ADARB2: variants seen among roughly 807,000 people sequenced by gnomAD.
ADARB2 encodes adenosine deaminase RNA specific B2 (inactive).
In ADARB2, 25 loss-of-function variants were observed where a neutral mutation model predicts 62.2. That is an observed-to-expected ratio of 0.40 (90% CI 0.29 to 0.56). The LOEUF (loss-of-function observed/expected upper bound fraction) is 0.56. Ranked by LOEUF, ADARB2 falls within the 20% of genes least tolerant of loss-of-function variation. The pLI, the probability that ADARB2 is intolerant of heterozygous loss-of-function variation, is 0.43. For synonymous variants in ADARB2, 572 were observed against 500.8 expected, an observed-to-expected ratio of 1.14 and a Z score of -1.90; for missense variants, 1,071 against 1,077.4, an observed-to-expected ratio of 0.99 and a Z score of 0.08.
chr10:1,403,200 C>G (rs1238614281), intron 1 of ADARB2, among the ~76,000 whole-genome samples: 4 of 152,248 alleles, frequency 2.6e-5, no homozygotes. Context: ...CGCTGCTCAA[C>G]TTTTCAGTTC....
chr10:1,724,703 T>C (rs555124625), intron 1 of ADARB2, among the ~76,000 whole-genome samples: 1 of 152,296 alleles, frequency 6.6e-6, no homozygotes, highest in African/African-American at 2.4e-5. Flanking sequence ...GAGGAAAGAA[T>C]AAATTGGTCT....
At chr10:1,437,745 A>T (rs186879751) in intron 1 of ADARB2, among the ~76,000 whole-genome samples, 53 of 151,952 alleles carry the variant, frequency 3.5e-4, no homozygotes, top group African/African-American at 1.3e-3. Context: ...TGGGGAAGGA[A>T]GCCAGCATTT....
rs1475077566 is a variant in ADARB2 at position 1,398,061 on chromosome 10, G to A, written c.101-18901C>T. Among the ~76,000 whole-genome samples, 1 of 139,070 alleles carries A rather than the reference G, an allele frequency of 7.2e-6. No homozygotes were observed. Among genetic ancestry groups the A allele is most frequent in the Non-Finnish European group, 1.5e-5 (1 of 64,902 alleles). The allele number at this position is 139,070 out of a possible 152,430, so 91.2% of individuals were successfully genotyped here. ...GGTCACCGTCCTCCTCTCCCCTCCC[G>A]AGTGCAGGCTTCCTGGGTCACCGCC... On this transcript the variant is annotated intron_variant, in intron 1 of 9. Coordinates refer to ENST00000381312, the MANE Select transcript of ADARB2 (RefSeq NM_018702.4). This position sits in a 1 kb window ranked among gnomAD's most constrained non-coding sequence, Gnocchi z 4.1.
intron 1 of ADARB2, among the ~76,000 whole-genome samples, chr10:1,693,812 A>G (rs1034596918): frequency 6.6e-6 from 1 of 152,244 alleles, no homozygotes; most frequent in African/African-American, 2.4e-5. Context: ...TTGAGGAAAC[A>G]TAAGAAAAAT....
intron 3 of ADARB2, among the ~76,000 whole-genome samples, chr10:1,278,544 G>T (rs556900265): frequency 6.6e-6 from 1 of 150,916 alleles, no homozygotes; most frequent in African/African-American, 2.4e-5. Context: ...CTGTTAATTC[G>T]TTTAGGATGA....
chr10:1,301,521 C>T (rs1831572759), intron 3 of ADARB2, among the ~76,000 whole-genome samples: 2 of 151,624 alleles, frequency 1.3e-5, no homozygotes, highest in African/African-American at 4.8e-5. Flanking sequence ...GAAAATCAAC[C>T]TTAAACAGAA....
intron 1 of ADARB2, among the ~76,000 whole-genome samples, chr10:1,673,314 A>ATGTGTGTGTGTG (rs66687699): frequency 0.043 from 6,448 of 149,634 alleles, 152 homozygotes; most frequent in Middle Eastern, 0.086. Context: ...ATTTCATTTT[A>ATGTGTGTGTGTG]TGTGTGTGTG....
At chr10:1,210,220 G>A (rs2279780) in intron 7 of ADARB2, among the ~76,000 whole-genome samples, 21,921 of 152,094 alleles carry the variant, frequency 0.14, 1,800 homozygotes, top group East Asian at 0.28. Context: ...TTTGTCTGGC[G>A]GACACACTTT....
chr10:1,677,873 C>T (rs1030853745), intron 1 of ADARB2, among the ~76,000 whole-genome samples: 2 of 152,198 alleles, frequency 1.3e-5, no homozygotes, highest in African/African-American at 2.4e-5. Flanking sequence ...TTCCCTCACT[C>T]TCCCTAGGAA....
Position 1,183,221 on chromosome 10 carries a change from T to A in ADARB2, c.2192A>T (p.Glu731Val), listed in dbSNP as rs769727859. ...GAGAGTCAGTAGAAACTGCTGCTGC[T>A]CCGGTGGTTTCCTCACCCAGGTGCC... ...GLGTWVRKPPEQQQFLLTL is the reference protein window; with the variant it reads ...GLGTWVRKPPVQQQFLLTL Residue 731 changes from glutamate to valine, a missense_variant, in exon 10 of 10, where the codon GAG becomes GTG. Glu to Val is a moderately radical substitution (Grantham distance 121, BLOSUM62 -2). Coordinates refer to ENST00000381312, the MANE Select transcript of ADARB2 (RefSeq NM_018702.4). 6.2e-7 allele frequency: 1 copy of A among 1,613,622 alleles called. No individual in the cohort carries two copies. The highest frequency in any genetic ancestry group is 8.5e-7 in the Non-Finnish European group (1 of 1,180,002).
At chr10:1,667,355 A>T (rs997647119) in intron 1 of ADARB2, among the ~76,000 whole-genome samples, 1 of 152,232 alleles carries the variant, frequency 6.6e-6, no homozygotes, top group Non-Finnish European at 1.5e-5. Context: ...AGGACTGTAG[A>T]GACACTCAAA....
At chr10:1,459,737 G>T (rs1831143198) in intron 1 of ADARB2, among the ~76,000 whole-genome samples, 1 of 152,140 alleles carries the variant, frequency 6.6e-6, no homozygotes, top group South Asian at 2.1e-4. Flanking sequence ...CTCCAGCCTG[G>T]GTGACAAGAT....
chr10:1,401,099 G>A (rs891520160), intron 1 of ADARB2, among the ~76,000 whole-genome samples: 1 of 152,138 alleles, frequency 6.6e-6, no homozygotes, highest in Non-Finnish European at 1.5e-5. Flanking sequence ...CATGAAATGG[G>A]ATTACATGCC....
chr10:1,698,284 C>T (rs749966308), intron 1 of ADARB2, among the ~76,000 whole-genome samples: 3 of 152,178 alleles, frequency 2.0e-5, no homozygotes, highest in East Asian at 1.9e-4. Context: ...TTAGCAGGTG[C>T]GGGACACGGA....
At chr10:1,438,118 A>G (rs1564288992) in intron 1 of ADARB2, among the ~76,000 whole-genome samples, 1 of 152,180 alleles carries the variant, frequency 6.6e-6, no homozygotes, top group African/African-American at 2.4e-5. Context: ...TGGGAGTGAG[A>G]CGCACCTTCC....
intron 1 of ADARB2, among the ~76,000 whole-genome samples, chr10:1,408,690 G>A (rs1048351721): frequency 3.3e-5 from 5 of 152,170 alleles, no homozygotes; most frequent in Non-Finnish European, 7.4e-5. Context: ...AACCAGGGAG[G>A]CTCGGCTGTT....
chr10:1,197,904 A>G (rs1289826023), intron 8 of ADARB2, among the ~76,000 whole-genome samples: 1 of 152,238 alleles, frequency 6.6e-6, no homozygotes, highest in Non-Finnish European at 1.5e-5. Flanking sequence ...TGGCTATTTC[A>G]TCTCACTTTT....
intron 1 of ADARB2, among the ~76,000 whole-genome samples, chr10:1,510,110 C>CTCTTTCTTTCT (rs1831909028): frequency 2.8e-5 from 3 of 106,252 alleles, no homozygotes; most frequent in Admixed American, 1.1e-4. Context: ...CTTTCTTTCT[C>CTCTTTCTTTCT]TCTTTCTTTC....
intron 1 of ADARB2, among the ~76,000 whole-genome samples, chr10:1,536,000 T>C (rs1004949683): frequency 3.3e-5 from 5 of 152,130 alleles, no homozygotes; most frequent in Admixed American, 6.5e-5. Context: ...CTTGGAATCC[T>C]GGCCTTTTAG....
Sources: allele counts gnomAD v4.1 joint callset (sites outside exome capture counted in the v4.1 genomes callset), GRCh38; gene constraint gnomAD v4.1.1; non-coding constraint Gnocchi (gnomAD v3.1); transcripts MANE v1.5; gene names NCBI Gene and HGNC (gene_info 2026-07-23, HGNC 2026-07-21).